Variants in AKAP19 observed in about 807,000 individuals in gnomAD.
AKAP19 encodes small A-kinase anchoring protein.
the AKAP19 span, among the ~76,000 whole-genome samples, chr2:190,092,517 A>G: frequency 6.6e-6 from 1 of 152,072 alleles, no homozygotes; most frequent in Non-Finnish European, 1.5e-5. Flanking sequence ...TCTTTCTCAG[A>G]AACTGGGTTT....
chr2:189,927,339 T>C, the AKAP19 span, among the ~76,000 whole-genome samples: 2 of 152,244 alleles, frequency 1.3e-5, no homozygotes, highest in African/African-American at 4.8e-5. Context: ...GAGTGAATAG[T>C]TTATAGAGTA....
At chr2:190,020,192 A>C in the AKAP19 span, among the ~76,000 whole-genome samples, 1 of 152,210 alleles carries the variant, frequency 6.6e-6, no homozygotes, top group African/African-American at 2.4e-5. Flanking sequence ...AGGACAAATA[A>C]ATATTACAAT....
chr2:189,998,987 A>C, the AKAP19 span, among the ~76,000 whole-genome samples: 1 of 151,542 alleles, frequency 6.6e-6, no homozygotes, highest in African/African-American at 2.4e-5. Flanking sequence ...GGCTAGGCTG[A>C]TCTCAAACTC....
At chr2:189,933,296 A>G in the AKAP19 span, among the ~76,000 whole-genome samples, 16 of 152,200 alleles carry the variant, frequency 1.1e-4, no homozygotes, top group Non-Finnish European at 2.4e-4. Context: ...TGGGGGCAGA[A>G]ACAGTGTCTT....
At chr2:190,057,495 C>A in the AKAP19 span, 1 of 1,613,478 alleles carries the variant, frequency 6.2e-7, no homozygotes, top group Non-Finnish European at 8.5e-7. Context: ...GAGCGATAAT[C>A]CAATCCCATC....
the AKAP19 span, chr2:190,180,831 C>T: frequency 1.0e-6 from 1 of 985,226 alleles, no homozygotes; most frequent in Admixed American, 6.1e-5. This position sits in a 1 kb window ranked among gnomAD's most constrained non-coding sequence, Gnocchi z 6.8. Context: ...GGGCCGGGAG[C>T]CCGGGCGCCG....
the AKAP19 span, among the ~76,000 whole-genome samples, chr2:190,107,488 G>A: frequency 6.6e-6 from 1 of 152,078 alleles, no homozygotes; most frequent in Admixed American, 6.5e-5. Context: ...GGAAAAGGAA[G>A]TTAAATGATT....
chr2:189,957,076 T>G, the AKAP19 span, among the ~76,000 whole-genome samples: 1 of 152,108 alleles, frequency 6.6e-6, no homozygotes, highest in Non-Finnish European at 1.5e-5. Context: ...CTCAGGAGGC[T>G]GAGGAGGAGA....
the AKAP19 span, among the ~76,000 whole-genome samples, chr2:189,958,907 A>C: frequency 6.6e-6 from 1 of 152,124 alleles, no homozygotes; most frequent in African/African-American, 2.4e-5. Flanking sequence ...AAAAGTAAAC[A>C]TAAGTTGAGC....
the AKAP19 span, among the ~76,000 whole-genome samples, chr2:189,925,513 A>T: frequency 6.6e-6 from 1 of 152,144 alleles, no homozygotes; most frequent in Non-Finnish European, 1.5e-5. Context: ...GGGGCTAGAG[A>T]TAATAAGTTT....
At chr2:190,179,478 T>G in the AKAP19 span, among the ~76,000 whole-genome samples, 138 of 152,322 alleles carry the variant, frequency 9.1e-4, 3 homozygotes, top group South Asian at 0.013. The surrounding 1 kb of genome is among the most constrained non-coding windows in gnomAD (Gnocchi z 6.0). Flanking sequence ...ATTCTATGAT[T>G]GTCAGGATGT....
chr2:189,992,373 A>G, the AKAP19 span, among the ~76,000 whole-genome samples: 2,190 of 152,278 alleles, frequency 0.014, 54 homozygotes, highest in African/African-American at 0.05. Flanking sequence ...TTATACTAGT[A>G]TAAAAATAAC....
the AKAP19 span, among the ~76,000 whole-genome samples, chr2:190,125,877 T>G: frequency 6.6e-6 from 1 of 152,142 alleles, no homozygotes; most frequent in African/African-American, 2.4e-5. Context: ...AAGATATTAC[T>G]TATATAAAGC....
chr2:189,923,820 C>A, the AKAP19 span: 2 of 1,611,424 alleles, frequency 1.2e-6, no homozygotes, highest in East Asian at 2.2e-5. Flanking sequence ...GGCTTCAATT[C>A]TAAGAGTGGA....
At chr2:190,081,971 C>G in the AKAP19 span, among the ~76,000 whole-genome samples, 2 of 152,106 alleles carry the variant, frequency 1.3e-5, no homozygotes, top group African/African-American at 4.8e-5. Context: ...AGAAACCAGC[C>G]CTTTCTGAAG....
the AKAP19 span, among the ~76,000 whole-genome samples, chr2:190,191,614 T>C: frequency 1.3e-5 from 2 of 152,238 alleles, no homozygotes; most frequent in African/African-American, 2.4e-5. Flanking sequence ...GAGAGTGCAG[T>C]TGCTCTGTAT....
At chr2:189,942,916 G>C in the AKAP19 span, among the ~76,000 whole-genome samples, 1 of 152,220 alleles carries the variant, frequency 6.6e-6, no homozygotes, top group Non-Finnish European at 1.5e-5. Context: ...CTCAGATGTA[G>C]GAGCAAAGGA....
the AKAP19 span, among the ~76,000 whole-genome samples, chr2:190,153,421 C>T: frequency 1.3e-5 from 2 of 152,102 alleles, no homozygotes; most frequent in African/African-American, 2.4e-5. Flanking sequence ...TACAGCCAAT[C>T]AATTAGACAA....
At chr2:190,146,518 G>A in the AKAP19 span, among the ~76,000 whole-genome samples, 2 of 152,218 alleles carry the variant, frequency 1.3e-5, no homozygotes, top group Admixed American at 6.5e-5. Context: ...TAGATACCCA[G>A]TAATGGGATT....
Sources: gnomAD v4.1 joint callset for allele counts (sites outside exome capture counted in the v4.1 genomes callset) on GRCh38, gnomAD v4.1.1 for gene constraint, Gnocchi (gnomAD v3.1) non-coding constraint, MANE v1.5 for transcripts, NCBI Gene and HGNC (gene_info 2026-07-23, HGNC 2026-07-21) for gene names.